PIK3C2A: variants seen among roughly 807,000 people sequenced by gnomAD.
PIK3C2A encodes the protein phosphatidylinositol 4-phosphate 3-kinase C2 domain-containing subunit alpha.
In PIK3C2A, 97 loss-of-function variants were observed where a neutral mutation model predicts 204.5. That is an observed-to-expected ratio of 0.47 (90% CI 0.40 to 0.56). The LOEUF is 0.56. Among genes scored for constraint, PIK3C2A ranks in the 20% least tolerant of loss-of-function variants. The pLI is 0.00. For synonymous variants in PIK3C2A, 653 were observed against 664.4 expected, an observed-to-expected ratio of 0.98 and a Z score of 0.26; for missense variants, 1,735 against 1,969.2, an observed-to-expected ratio of 0.88 and a Z score of 2.25.
In PIK3C2A at chr11:17,089,503, C is replaced by G. The variant is rs1421700522; in HGVS notation, c.*235G>C. ...TAAGTTTAGGGTTTGTAGCATTCTACATAATGACTTTAAAACAGCAATGGC... is the reference window on the plus strand; with the variant it reads ...TAAGTTTAGGGTTTGTAGCATTCTAGATAATGACTTTAAAACAGCAATGGC... On this transcript the variant is annotated 3_prime_UTR_variant, in exon 33 of 33. Coordinates refer to ENST00000691414, the MANE Select transcript of PIK3C2A (RefSeq NM_002645.4). 4.6e-6 allele frequency: 2 copies of G among 435,696 alleles called. No individual in the cohort carries two copies. Among genetic ancestry groups the G allele is most frequent in the African/African-American group, 4.0e-5 (2 of 50,254 alleles). 27.0% of individuals were successfully genotyped at this position (435,696 alleles called of 1,614,324 possible).
chr11:17,146,597 C>T lies in PIK3C2A; in HGVS notation c.1561-655G>A, dbSNP rs375461319. On this transcript the variant is annotated intron_variant, in intron 6 of 32. Transcript: ENST00000691414. ...TTAGCTGGGTGGGTTGGTGCATGCC[C>T]GCAGTTCCAGCTATTCCAGAGGCTG... Among the ~76,000 whole-genome samples, 51 of 151,788 alleles carry T rather than the reference C, an allele frequency of 3.4e-4. 1 individual carries two copies. The South Asian group carries it at 0.01, about 30-fold the overall frequency.
At chr11:17,186,242 A>G (rs1851746530) in intron 1 of PIK3C2A, among the ~76,000 whole-genome samples, 1 of 152,064 alleles carries the variant, frequency 6.6e-6, no homozygotes, top group Admixed American at 6.6e-5. Context: ...AACCAAGTTA[A>G]AACTGCAATT....
chr11:17,193,974 G>T, intron 1 of PIK3C2A: 1 of 350,280 alleles, frequency 2.9e-6, no homozygotes, highest in South Asian at 7.3e-5. Context: ...AATTCCTGAG[G>T]AACATGTGCA....
intron 25 of PIK3C2A, 63 bp from the exon 26 acceptor site, chr11:17,100,032 T>C: frequency 1.3e-6 from 1 of 778,098 alleles, no homozygotes; most frequent in Non-Finnish European, 2.3e-6. Context: ...CCTCACTCCT[T>C]CCTGTGGGCT....
chr11:17,126,856 A>G (rs563699364), intron 13 of PIK3C2A, among the ~76,000 whole-genome samples: 1 of 152,344 alleles, frequency 6.6e-6, no homozygotes, highest in Admixed American at 6.5e-5. Context: ...ATATTATATC[A>G]TTTATCTAAC....
At chr11:17,189,883 G>A (rs1348335144) in intron 1 of PIK3C2A, among the ~76,000 whole-genome samples, 2 of 141,744 alleles carry the variant, frequency 1.4e-5, no homozygotes, top group Non-Finnish European at 3.1e-5. Context: ...AAAGAAGCAA[G>A]AAAATGTGAC....
At chr11:17,157,459 CAAA>C (rs11387654) in intron 2 of PIK3C2A, among the ~76,000 whole-genome samples, 6 of 99,624 alleles carry the variant, frequency 6.0e-5, no homozygotes, top group African/African-American at 3.9e-5. Context: ...GACTCTGTCT[CAAA>C]AAAAAAAAAA....
At chr11:17,105,475 C>T (rs923474698) in intron 22 of PIK3C2A, among the ~76,000 whole-genome samples, 170 bp from the exon 23 acceptor site, 1 of 152,196 alleles carries the variant, frequency 6.6e-6, no homozygotes, top group African/African-American at 2.4e-5. Flanking sequence ...GTTTGCTACA[C>T]CTACCAACCC....
intron 22 of PIK3C2A, 138 bp from the exon 23 acceptor site, chr11:17,105,443 T>C (rs1477215748): frequency 8.9e-6 from 6 of 675,326 alleles, no homozygotes; most frequent in South Asian, 7.7e-5. Context: ...GTTTGTTACA[T>C]AGGTATACAT....
At chr11:17,176,061 T>G (rs1851328211) in intron 1 of PIK3C2A, among the ~76,000 whole-genome samples, 1 of 151,208 alleles carries the variant, frequency 6.6e-6, no homozygotes. Flanking sequence ...TAGAGTGCAA[T>G]GGTGCGATCT....
At chr11:17,138,394 C>T in intron 8 of PIK3C2A, 1 of 374,124 alleles carries the variant, frequency 2.7e-6, no homozygotes. Context: ...GCTGCACCCT[C>T]ATGCTATGTT....
rs1851161600 is a variant in PIK3C2A at position 17,171,520 on chromosome 11, C to G, written c.-65-1714G>C. ...TACTAAACAAAAAAAAAAATTTTTA[C>G]TAAGGAGGTCATGAAGAAAGAGGAA... is the stretch of plus-strand genomic sequence containing the variant. On this transcript the variant is annotated intron_variant, in intron 1 of 32. Transcript: ENST00000691414. 3.9e-5 allele frequency among the ~76,000 whole-genome samples: 6 copies of G among 152,024 alleles called. No individual in the cohort carries two copies. The South Asian group carries it at 1.2e-3, about 32-fold the overall frequency.
chr11:17,162,112 G>C (rs1850793175), intron 2 of PIK3C2A, among the ~76,000 whole-genome samples: 1 of 152,070 alleles, frequency 6.6e-6, no homozygotes, highest in Non-Finnish European at 1.5e-5. Context: ...GAGGTGGGTG[G>C]ATCACCTGAG....
chr11:17,195,067 T>C (rs989846413), intron 1 of PIK3C2A, among the ~76,000 whole-genome samples: 3 of 152,166 alleles, frequency 2.0e-5, no homozygotes, highest in Admixed American at 6.6e-5. Context: ...CTCATTCGAA[T>C]CTAACTTAAT....
chr11:17,107,399 C>T lies in PIK3C2A; in HGVS notation c.3545-2094G>A, dbSNP rs571063427. On this transcript the variant is annotated intron_variant, in intron 22 of 32. Transcript: ENST00000691414. The stretch of plus-strand genomic sequence containing the variant: ...AAAACAATGAGGGAGGAATTATGTG[C>T]TTTGATAGAAAGATCTCAAAAATAA... Among the ~76,000 whole-genome samples the T allele has an allele frequency of 4.1e-3, 621 of 152,230 alleles. 1 individual carries two copies. The highest frequency in any genetic ancestry group is 0.014 in the African/African-American group (592 of 41,562).
intron 8 of PIK3C2A, among the ~76,000 whole-genome samples, chr11:17,137,287 C>T (rs1189075489): frequency 2.0e-5 from 3 of 152,098 alleles, no homozygotes; most frequent in Non-Finnish European, 4.4e-5. Context: ...CTGTAGTCCT[C>T]GGAGCCTGTT....
rs944198770 is a variant in PIK3C2A at position 17,203,508 on chromosome 11, T to C, written c.-66+4340A>G. On this transcript the variant is annotated intron_variant, in intron 1 of 32. Coordinates refer to ENST00000691414, the MANE Select transcript of PIK3C2A (RefSeq NM_002645.4). ...ATCCTATGAACAACCTGAAAGATAC[T>C]TACAGCAATATTTGCAAGTATGACC... Among the ~76,000 whole-genome samples the C allele has an allele frequency of 2.0e-5, 3 of 152,296 alleles. No homozygotes were observed. The East Asian group carries it at 5.8e-4, about 29-fold the overall frequency.
chr11:17,092,414 T>G (rs1055652637), intron 28 of PIK3C2A, 138 bp from the exon 29 acceptor site: 1 of 612,776 alleles, frequency 1.6e-6, no homozygotes, highest in Admixed American at 2.9e-5. Flanking sequence ...GCACGGTGGC[T>G]CATGGCCTTT....
chr11:17,188,367 G>A (rs1309802504), intron 1 of PIK3C2A, among the ~76,000 whole-genome samples: 2 of 146,304 alleles, frequency 1.4e-5, no homozygotes, highest in African/African-American at 5.5e-5. Flanking sequence ...AAATGTCACA[G>A]AACAGAGAAC....
Sources: gnomAD v4.1 joint callset for allele counts (sites outside exome capture counted in the v4.1 genomes callset) on GRCh38, gnomAD v4.1.1 for gene constraint, MANE v1.5 for transcripts, NCBI Gene and HGNC (gene_info 2026-07-23, HGNC 2026-07-21) for gene names.